HACE1: variants seen among roughly 807,000 people sequenced by gnomAD.
HACE1 encodes the protein E3 ubiquitin-protein ligase HACE1.
A neutral mutation model predicts 118.4 loss-of-function variants in HACE1; 73 were observed. The observed-to-expected ratio is 0.62, with a 90% CI of 0.51 to 0.75. The LOEUF is 0.75. Ranked by LOEUF, HACE1 falls within the 30% of genes least tolerant of loss-of-function variation. The pLI, the probability that HACE1 is intolerant of heterozygous loss-of-function variation, is 0.00. For synonymous variants in HACE1, 368 were observed against 374.8 expected (o/e 0.98, Z 0.21); for missense variants, 749 against 1,102.2 (o/e 0.68, Z 4.54).
chr6:104,753,154 C>T (rs772445694), intron 19 of HACE1, among the ~76,000 whole-genome samples: 73 of 152,212 alleles, frequency 4.8e-4, no homozygotes, highest in Non-Finnish European at 8.7e-4. Flanking sequence ...TGAACACCCA[C>T]TACTGTTGCC....
In HACE1 at chr6:104,805,703, G is replaced by A. The variant is rs1322743480; in HGVS notation, c.617+5608C>T. Among the ~76,000 whole-genome samples, 14 of 152,232 alleles carry A rather than the reference G, an allele frequency of 9.2e-5. 1 individual carries two copies. Among genetic ancestry groups the A allele is most frequent in the South Asian group, 4.2e-4 (2 of 4,818 alleles). On this transcript the variant is annotated intron_variant, in intron 7 of 23. Transcript: ENST00000262903. ...CGAACATCACACACCAGGGCTTGTC[G>A]GGAAGTCAGGGGGCTGGGGGAGGGA...
At chr6:104,789,452 A>G (rs116935456) in intron 11 of HACE1, among the ~76,000 whole-genome samples, 1,801 of 152,154 alleles carry the variant, frequency 0.012, 19 homozygotes, top group Non-Finnish European at 0.02. Flanking sequence ...GAAAGTATTT[A>G]TATATTATAT....
chr6:104,806,199 C>G (rs1770975633), intron 7 of HACE1, among the ~76,000 whole-genome samples: 1 of 152,186 alleles, frequency 6.6e-6, no homozygotes, highest in South Asian at 2.1e-4. Flanking sequence ...TCGTGGCTCA[C>G]ATCTGTAATC....
intron 20 of HACE1, among the ~76,000 whole-genome samples, chr6:104,749,096 A>G (rs9391237): frequency 0.25 from 37,496 of 152,076 alleles, 5,015 homozygotes; most frequent in African/African-American, 0.35. Context: ...GTTTTCATCA[A>G]TTATTTTTGT....
At chr6:104,742,825 G>A (rs1465045799) in intron 22 of HACE1, among the ~76,000 whole-genome samples, 1 of 152,018 alleles carries the variant, frequency 6.6e-6, no homozygotes, top group African/African-American at 2.4e-5. Context: ...TATACCCAAA[G>A]GACTATAAAT....
At chr6:104,773,860 T>TTATGATAAA (rs1780895098) in intron 17 of HACE1, among the ~76,000 whole-genome samples, 2 of 151,928 alleles carry the variant, frequency 1.3e-5, no homozygotes, top group South Asian at 4.1e-4. Context: ...AATTAAAAGT[T>TTATGATAAA]TATGATAAAT....
intron 6 of HACE1, among the ~76,000 whole-genome samples, chr6:104,829,339 C>G (rs1361101407): frequency 1.3e-5 from 2 of 152,122 alleles, no homozygotes; most frequent in African/African-American, 4.8e-5. Context: ...ACATGCAACT[C>G]AAGATAAAAC....
chr6:104,793,496 C>T (rs1783287319), intron 10 of HACE1, among the ~76,000 whole-genome samples: 2 of 152,092 alleles, frequency 1.3e-5, no homozygotes, highest in Admixed American at 1.3e-4. Flanking sequence ...GCAAACGCCT[C>T]AGTAAATGTT....
chr6:104,818,606 TG>T (rs1403351426), intron 6 of HACE1, among the ~76,000 whole-genome samples: 1 of 152,068 alleles, frequency 6.6e-6, no homozygotes, highest in Non-Finnish European at 1.5e-5. Flanking sequence ...CCAATATCCT[TG>T]ATGAAATTGA....
At chr6:104,857,696 C>G (rs1776866446) in intron 1 of HACE1, among the ~76,000 whole-genome samples, 2 of 151,380 alleles carry the variant, frequency 1.3e-5, no homozygotes, top group African/African-American at 4.8e-5. Context: ...TGGCTCACGC[C>G]TGTAATCCCC....
chr6:104,739,081 G>A (rs1052705939), intron 22 of HACE1, among the ~76,000 whole-genome samples: 14 of 151,592 alleles, frequency 9.2e-5, no homozygotes, highest in Non-Finnish European at 1.6e-4. Context: ...CTTCATAAGC[G>A]AAGGAGAAAT....
chr6:104,732,418 C>T (rs1425668830), intron 22 of HACE1: 1 of 152,098 alleles, frequency 6.6e-6, no homozygotes, highest in Admixed American at 6.6e-5. Context: ...TCTAGAAGAC[C>T]TTATGCTAAG....
chr6:104,852,296 A>C (rs748559640), intron 2 of HACE1, 21 bp downstream of exon 2: 2 of 1,593,790 alleles, frequency 1.3e-6, no homozygotes, highest in East Asian at 2.2e-5. Context: ...AAAAGCAAAA[A>C]TTTTTGGAAC....
chr6:104,763,899 A>C (rs1467675226), intron 19 of HACE1, among the ~76,000 whole-genome samples: 1 of 152,056 alleles, frequency 6.6e-6, no homozygotes, highest in African/African-American at 2.4e-5. Flanking sequence ...AAAATACAAA[A>C]ATTAGCCAGG....
intron 7 of HACE1, among the ~76,000 whole-genome samples, chr6:104,805,466 C>A (rs113188535): frequency 0.034 from 5,135 of 152,104 alleles, 275 homozygotes; most frequent in African/African-American, 0.12. Context: ...AATGTCCATC[C>A]GTGATAGACT....
chr6:104,829,839 G>C (rs1362901779), intron 6 of HACE1, among the ~76,000 whole-genome samples: 1 of 152,100 alleles, frequency 6.6e-6, no homozygotes, highest in Non-Finnish European at 1.5e-5. Flanking sequence ...TTGTTCAAAG[G>C]CATCTGACTA....
In HACE1 at chr6:104,784,076, A is replaced by G; in HGVS notation, c.1566+10T>C. ...TTAGATAGAATAAAAAGATGAAGAA[A>G]AATTTCTACCTGTGCTTTTATGATA... On this transcript the variant is annotated intron_variant, in intron 14 of 23. Transcript: ENST00000262903. 6.9e-7 allele frequency: 1 copy of G among 1,449,560 alleles called. No homozygotes were observed. The highest frequency in any genetic ancestry group is 1.1e-5 in the South Asian group (1 of 87,518). The allele number at this position is 1,449,560 out of a possible 1,614,324, so 89.8% of individuals were successfully genotyped here.
At chr6:104,783,378 A>AGC (rs1781949460) in intron 14 of HACE1, among the ~76,000 whole-genome samples, 1 of 152,190 alleles carries the variant, frequency 6.6e-6, no homozygotes, top group African/African-American at 2.4e-5. Context: ...ATCCTCTTAG[A>AGC]GAAGGGAAGT....
Position 104,823,228 on chromosome 6 carries a change from G to A in HACE1, c.534+9814C>T, listed in dbSNP as rs189377521. Among the ~76,000 whole-genome samples the A allele has an allele frequency of 4.2e-4, 64 of 152,288 alleles. 1 individual carries two copies. In the East Asian group the frequency reaches 7.5e-3, roughly 18 times the overall value. Reference sequence around the variant, plus strand: ...CCAGGTGGATCACCTGAGGTCAGGAGTTCAAGATCAGCCTGGCCAACATGG... The same window carrying A: ...CCAGGTGGATCACCTGAGGTCAGGAATTCAAGATCAGCCTGGCCAACATGG... On this transcript the variant is annotated intron_variant, in intron 6 of 23. Transcript: ENST00000262903.
Sources: allele counts gnomAD v4.1 joint callset (sites outside exome capture counted in the v4.1 genomes callset), GRCh38; gene constraint gnomAD v4.1.1; transcripts MANE v1.5; gene names NCBI Gene and HGNC (gene_info 2026-07-23, HGNC 2026-07-21).